SOX5: variants seen among roughly 807,000 people sequenced by gnomAD.
SOX5 encodes the protein SRY-box transcription factor 5.
In SOX5, 9 loss-of-function variants were observed where a neutral mutation model predicts 92.0. That is an observed-to-expected ratio of 0.10 (90% CI 0.06 to 0.17). SOX5 has a LOEUF of 0.17. SOX5 is among the 10% of genes least tolerant of loss of function. The probability of loss-of-function intolerance (pLI) is 1.00; values close to 1 mark genes in which losing one functional copy is unlikely to be tolerated. For synonymous variants in SOX5, 344 were observed against 336.3 expected, an observed-to-expected ratio of 1.02 and a Z score of -0.25; for missense variants, 642 against 944.5, an observed-to-expected ratio of 0.68 and a Z score of 4.20.
At chr12:23,679,972 A>T (rs529993826) in intron 6 of SOX5, among the ~76,000 whole-genome samples, 5 of 151,888 alleles carry the variant, frequency 3.3e-5, no homozygotes, top group African/African-American at 1.2e-4. Flanking sequence ...AGTAAAAAAA[A>T]ACTTGAAAGA....
intron 4 of SOX5, among the ~76,000 whole-genome samples, chr12:24,126,407 C>T (rs540415151): frequency 2.6e-5 from 4 of 152,304 alleles, no homozygotes; most frequent in South Asian, 2.1e-4. Flanking sequence ...AAGGCCACCA[C>T]GAAGCACCCT....
chr12:23,545,886 AC>A (rs1450253372), intron 12 of SOX5, among the ~76,000 whole-genome samples: 7 of 151,626 alleles, frequency 4.6e-5, no homozygotes, highest in Non-Finnish European at 7.4e-5. Flanking sequence ...AAAAAAAAAA[AC>A]AAAATTGCTG....
At chr12:23,969,653 A>C (rs1947998485) in intron 4 of SOX5, among the ~76,000 whole-genome samples, 1 of 152,056 alleles carries the variant, frequency 6.6e-6, no homozygotes, top group Non-Finnish European at 1.5e-5. Context: ...CTTCTGAGTC[A>C]CTCTTCTTTA....
chr12:23,851,740 A>G (rs2096636227), intron 2 of SOX5, among the ~76,000 whole-genome samples: 1 of 152,036 alleles, frequency 6.6e-6, no homozygotes, highest in African/African-American at 2.4e-5. Flanking sequence ...AGAGCTTATC[A>G]CAACTGGTCA....
intron 1 of SOX5, 23 bp from the exon 2 acceptor site, chr12:23,896,047 A>C (rs761778864): frequency 6.7e-7 from 1 of 1,495,602 alleles, no homozygotes; most frequent in Non-Finnish European, 9.3e-7. Context: ...AAAGAGGAGA[A>C]AATAATGAAA....
chr12:23,747,976 A>C (rs80152551), intron 4 of SOX5, among the ~76,000 whole-genome samples: 2 of 151,050 alleles, frequency 1.3e-5, no homozygotes, highest in Admixed American at 6.6e-5. Flanking sequence ...AAAAAAAAAA[A>C]CGAATACAAT....
intron 6 of SOX5, among the ~76,000 whole-genome samples, chr12:23,716,208 C>T (rs1229621729): frequency 6.6e-6 from 1 of 152,108 alleles, no homozygotes; most frequent in Non-Finnish European, 1.5e-5. Flanking sequence ...TACCAAAATT[C>T]AATTTGACTA....
chr12:23,668,663 TG>T (rs551737208), intron 6 of SOX5, among the ~76,000 whole-genome samples: 7 of 152,172 alleles, frequency 4.6e-5, no homozygotes, highest in Non-Finnish European at 8.8e-5. Context: ...AAGTTGAAAA[TG>T]TGTGACATTT....
chr12:24,145,371 T>G (rs1045550109), intron 4 of SOX5, among the ~76,000 whole-genome samples: 7 of 152,144 alleles, frequency 4.6e-5, no homozygotes, highest in Non-Finnish European at 8.8e-5. Flanking sequence ...ATGGTCTAAA[T>G]TACCCAATTA....
At chr12:23,570,127 C>T (rs145859672) in intron 10 of SOX5, among the ~76,000 whole-genome samples, 366 of 152,148 alleles carry the variant, frequency 2.4e-3, no homozygotes, top group African/African-American at 6.2e-3. Flanking sequence ...TTATTTACTA[C>T]GTATTTATTT....
At chr12:24,374,546 C>T (rs1339888062) in intron 1 of SOX5, among the ~76,000 whole-genome samples, 3 of 151,748 alleles carry the variant, frequency 2.0e-5, no homozygotes, top group Non-Finnish European at 4.4e-5. Context: ...CATGCATGCA[C>T]AAAACAGAGG....
At chr12:23,772,400 CA>C (rs2094961973) in intron 3 of SOX5, among the ~76,000 whole-genome samples, 2 of 152,234 alleles carry the variant, frequency 1.3e-5, no homozygotes, top group Non-Finnish European at 2.9e-5. Context: ...CATTAAATAA[CA>C]AAGCTGGCTA....
chr12:23,815,842 A>G (rs1386184098), intron 3 of SOX5, among the ~76,000 whole-genome samples: 4 of 152,174 alleles, frequency 2.6e-5, no homozygotes. Context: ...GCTGTTCTTT[A>G]GGATAGGGGT....
chr12:23,804,663 C>T (rs12811433), intron 3 of SOX5, among the ~76,000 whole-genome samples: 1 of 151,194 alleles, frequency 6.6e-6, no homozygotes, highest in South Asian at 2.1e-4. Flanking sequence ...TGCATTTTAA[C>T]CTCTATGCTC....
At chr12:23,734,598 G>C in intron 6 of SOX5, 86 bp downstream of exon 6, 1 of 957,776 alleles carries the variant, frequency 1.0e-6, no homozygotes, top group East Asian at 2.6e-5. Flanking sequence ...TTTTATTTTG[G>C]AGGTCATTTC....
intron 3 of SOX5, among the ~76,000 whole-genome samples, chr12:24,247,842 C>A (rs576028779): frequency 6.6e-6 from 1 of 151,536 alleles, no homozygotes; most frequent in Non-Finnish European, 1.5e-5. Flanking sequence ...TTAGTAGAGA[C>A]GGGGTTTCAC....
At chr12:24,268,535 G>C (rs933084724) in intron 3 of SOX5, among the ~76,000 whole-genome samples, 5 of 152,096 alleles carry the variant, frequency 3.3e-5, no homozygotes, top group Non-Finnish European at 7.4e-5. Flanking sequence ...AAACAAAAAT[G>C]TTACACCTTT....
intron 10 of SOX5, among the ~76,000 whole-genome samples, chr12:23,564,230 T>A (rs2136374292): frequency 6.6e-6 from 1 of 152,308 alleles, no homozygotes; most frequent in East Asian, 1.9e-4. Context: ...TTTACTTAAT[T>A]TTATTTTTAA....
At chr12:24,372,237 A>G (rs1282461266) in intron 1 of SOX5, among the ~76,000 whole-genome samples, 1 of 152,094 alleles carries the variant, frequency 6.6e-6, no homozygotes, top group Non-Finnish European at 1.5e-5. Context: ...TGCACTCATC[A>G]ACCCATCATC....
Sources: gnomAD v4.1 joint callset for allele counts (sites outside exome capture counted in the v4.1 genomes callset) on GRCh38, gnomAD v4.1.1 for gene constraint, MANE v1.5 for transcripts, NCBI Gene and HGNC (gene_info 2026-07-23, HGNC 2026-07-21) for gene names.